GGA2: variants seen among roughly 807,000 people sequenced by gnomAD.
The protein encoded by GGA2 is golgi associated, gamma adaptin ear containing, ARF binding protein 2, also known as ADP-ribosylation factor-binding protein GGA2.
Under a neutral mutation model 79.5 loss-of-function variants are expected in GGA2, and 48 were observed. That is an observed-to-expected ratio of 0.60 (90% confidence interval 0.48 to 0.77). GGA2 has a LOEUF of 0.77. GGA2 is among the 30% of genes least tolerant of loss of function. The probability of loss-of-function intolerance (pLI) is 0.00; values close to 1 mark genes in which losing one functional copy is unlikely to be tolerated. For missense variants in GGA2, 770 were observed against 774.0 expected (o/e 0.99, Z 0.06); for synonymous variants, 317 against 302.0 (o/e 1.05, Z -0.51).
upstream of GGA2, among the ~76,000 whole-genome samples, chr16:23,513,808 A>AAAAAAG (rs1555501631): frequency 7.9e-3 from 1,192 of 150,240 alleles, 18 homozygotes; most frequent in African/African-American, 0.027. Flanking sequence ...AAAGAAAGAA[A>AAAAAAG]AAAAGAAAAG....
At position 23,519,041 on chromosome 16, in the gene GGA2, C is replaced by CT. The variant is rs368986914; in HGVS notation, c.61+545dup. Among the ~76,000 whole-genome samples, 203 of 104,576 alleles carry CT rather than the reference C, an allele frequency of 1.9e-3. 1 individual carries two copies. Among genetic ancestry groups the CT allele is most frequent in the Middle Eastern group, 4.8e-3 (1 of 208 alleles). 68.6% of individuals were successfully genotyped at this position (104,576 alleles called of 152,430 possible). On this transcript the variant is annotated intron_variant, in intron 2 of 5. Transcript: ENST00000569300. ...TGTAATTTTCTAGAACGGATACTGT[C>CT]TTTTTTTTTTTTTTTTTTTTGAGAC...
chr16:23,478,877 C>CCTTA lies in GGA2; in HGVS notation c.1158+2_1158+5dup. ...TCTCTCCGGGCCCTGGGAAGGGCAT[C>CCTTA]CTTACCATGCCTGTAACAGGAGCAT... On this transcript the variant is annotated splice_donor_region_variant and intron_variant, in intron 12 of 16. Coordinates refer to ENST00000309859, the MANE Select transcript of GGA2 (RefSeq NM_015044.4). 3 of 1,600,860 alleles carry CCTTA rather than the reference C, an allele frequency of 1.9e-6. No homozygotes were observed. The highest frequency in any genetic ancestry group is 2.6e-6 in the Non-Finnish European group (3 of 1,168,664).
chr16:23,475,069 G>T lies in GGA2; in HGVS notation c.1293-8C>A. On this transcript the variant is annotated splice_region_variant and splice_polypyrimidine_tract_variant and intron_variant, in intron 13 of 16. Coordinates refer to ENST00000309859, the MANE Select transcript of GGA2 (RefSeq NM_015044.4). ...TTCTGCGAAACATAATTCCTACAAA[G>T]AAATAAAAAATATCAAAGACTAGCA... 2 of 1,541,482 alleles carry T rather than the reference G, an allele frequency of 1.3e-6. No homozygotes were observed. The highest frequency in any genetic ancestry group is 1.8e-6 in the Non-Finnish European group (2 of 1,142,692).
intron 4 of GGA2, among the ~76,000 whole-genome samples, chr16:23,493,025 G>A (rs901540660): frequency 2.0e-5 from 3 of 152,208 alleles, no homozygotes; most frequent in Non-Finnish European, 4.4e-5. Context: ...CAGAGGACAA[G>A]GCAGGAGGTG....
At chr16:23,485,868 GGACAAAGCAGCACAAC>G (rs1964705013) in intron 8 of GGA2, 131 bp downstream of exon 8, 2 of 730,254 alleles carry the variant, frequency 2.7e-6, no homozygotes, top group Non-Finnish European at 4.5e-6. Flanking sequence ...GACAAAGGGA[GGACAAAGCAGCACAAC>G]GACATTTGGG....
At chr16:23,486,933 C>G in intron 6 of GGA2, 143 bp from the exon 7 acceptor site, 1 of 672,728 alleles carries the variant, frequency 1.5e-6, no homozygotes, top group South Asian at 1.6e-5. Flanking sequence ...AAGGACACTA[C>G]GATGCAGGCA....
At chr16:23,488,861 G>A (rs751215565) in intron 5 of GGA2, 152 bp from the exon 6 acceptor site, 21 of 594,044 alleles carry the variant, frequency 3.5e-5, no homozygotes, top group Admixed American at 2.4e-4. Flanking sequence ...GTGTATGAAC[G>A]AAGTTTTGCA....
rs1230921477 is a variant in GGA2 at position 23,467,429 on chromosome 16, CACACAG to C, written c.*155_*160del. On this transcript the variant is annotated 3_prime_UTR_variant, in exon 17 of 17. Transcript: ENST00000309859. Reference sequence around the variant, plus strand: ...ACACACACACACACACACACACACACACACAGAGCATCTGCAGAATAAGTCAGAGGT... The same window carrying C: ...ACACACACACACACACACACACACACAGCATCTGCAGAATAAGTCAGAGGT... 4.9e-6 allele frequency: 3 copies of C among 610,620 alleles called. No homozygotes were observed. Among genetic ancestry groups the C allele is most frequent in the Middle Eastern group, 4.4e-4 (1 of 2,254 alleles). The allele number at this position is 610,620 out of a possible 1,614,324, so 37.8% of individuals were successfully genotyped here.
chr16:23,510,158 G>A (rs1232371787), intron 1 of GGA2, among the ~76,000 whole-genome samples, 163 bp downstream of exon 1: 1 of 151,862 alleles, frequency 6.6e-6, no homozygotes, highest in East Asian at 1.9e-4. Flanking sequence ...GCTCCTCTCG[G>A]GGGACCCCTG....
intron 9 of GGA2, among the ~76,000 whole-genome samples, chr16:23,482,720 T>C (rs954777404): frequency 6.6e-6 from 1 of 152,202 alleles, no homozygotes; most frequent in African/African-American, 2.4e-5. Flanking sequence ...TTTCAGGCTT[T>C]AGACCTGCTG....
intron 9 of GGA2, 146 bp downstream of exon 9, chr16:23,482,777 G>A: frequency 1.5e-6 from 1 of 648,152 alleles, no homozygotes; most frequent in Non-Finnish European, 2.9e-6. Context: ...CAGTTCTGAG[G>A]CAACTCAGGC....
chr16:23,473,086 T>A (rs181719373), intron 14 of GGA2, among the ~76,000 whole-genome samples: 14 of 150,110 alleles, frequency 9.3e-5, no homozygotes, highest in Non-Finnish European at 1.6e-4. Flanking sequence ...TACTTAATAG[T>A]GCATATATAT....
At chr16:23,472,468 G>C (rs1412207145) in intron 14 of GGA2, among the ~76,000 whole-genome samples, 3 of 151,684 alleles carry the variant, frequency 2.0e-5, no homozygotes, top group African/African-American at 7.3e-5. Context: ...AACGTGCTGG[G>C]ATTACAGGCA....
At chr16:23,499,700 G>A (rs1964898721) in intron 1 of GGA2, among the ~76,000 whole-genome samples, 1 of 152,196 alleles carries the variant, frequency 6.6e-6, no homozygotes, top group Admixed American at 6.5e-5. Flanking sequence ...CTGACCTCGT[G>A]ATCCGCCCGC....
At position 23,510,328 on chromosome 16, in the gene GGA2, C is replaced by T. The variant is rs1372733426; in HGVS notation, c.84G>A (p.Leu28=). Residue 28 remains leucine (L), a synonymous_variant, in exon 1 of 17, where the codon CTG becomes CTA. Transcript: ENST00000309859. ...GPPGPAASLE[L]WLNKATDPSM... ...GCCTGCCAGGCTACTCACTGAGCCA[C>T]AGCTCCAGCGACGCTGCCGGGCCCG... The T allele has an allele frequency of 7.0e-7, 1 of 1,437,476 alleles. No homozygotes were observed. The highest frequency in any genetic ancestry group is 2.0e-4 in the Middle Eastern group (1 of 4,970). The allele number at this position is 1,437,476 out of a possible 1,614,324, so 89.0% of individuals were successfully genotyped here.
intron 1 of GGA2, among the ~76,000 whole-genome samples, chr16:23,506,905 C>T (rs531503490): frequency 5.9e-5 from 9 of 152,076 alleles, no homozygotes; most frequent in Admixed American, 5.2e-4. Flanking sequence ...CCCCTTTTTG[C>T]TCTGGCTCTG....
chr16:23,490,120 A>G (rs1218821802), intron 5 of GGA2, among the ~76,000 whole-genome samples: 1 of 152,218 alleles, frequency 6.6e-6, no homozygotes, highest in Non-Finnish European at 1.5e-5. Context: ...GCTCTCTCTG[A>G]GGTGCAGAGG....
intron 11 of GGA2, 41 bp downstream of exon 11, chr16:23,479,724 C>T: frequency 6.2e-7 from 1 of 1,611,278 alleles, no homozygotes; most frequent in East Asian, 2.2e-5. Context: ...CCCCTACTCG[C>T]ACCCATCCTG....
intron 11 of GGA2, among the ~76,000 whole-genome samples, chr16:23,479,552 G>A (rs1012498433): frequency 2.1e-5 from 3 of 145,682 alleles, no homozygotes; most frequent in East Asian, 4.0e-4. Context: ...CAGCAGACAC[G>A]TGCTTCCCAA....
Sources: gnomAD v4.1 joint callset for allele counts (sites outside exome capture counted in the v4.1 genomes callset) on GRCh38, gnomAD v4.1.1 for gene constraint, MANE v1.5 for transcripts, NCBI Gene and HGNC (gene_info 2026-07-23, HGNC 2026-07-21) for gene names.